SLC5A12: variants seen among roughly 807,000 people sequenced by gnomAD.
SLC5A12 encodes the protein sodium-coupled monocarboxylate transporter 2.
Under a neutral mutation model 72.7 loss-of-function variants are expected in SLC5A12, and 46 were observed. The observed-to-expected ratio is 0.63, with a 90% confidence interval of 0.50 to 0.81. SLC5A12 has a LOEUF of 0.81. Ranked by LOEUF, SLC5A12 falls within the 30% of genes least tolerant of loss-of-function variation. The pLI, the probability that SLC5A12 is intolerant of heterozygous loss-of-function variation, is 0.00. For missense variants in SLC5A12, 683 were observed against 740.7 expected, an observed-to-expected ratio of 0.92 and a Z score of 0.90; for synonymous variants, 275 against 264.4, an observed-to-expected ratio of 1.04 and a Z score of -0.39.
chr11:26,721,414 G>A lies in SLC5A12; in HGVS notation c.301C>T (p.Pro101Ser). The stretch of plus-strand genomic sequence containing the variant: ...GTGATACCAGATCTGTAGAACACAG[G>A]GAGAAAGAGCTCTGATGTTAAGAGG... Reference protein sequence around the residue: ...VILLTSELFLPVFYRSGITST... With the variant: ...VILLTSELFLSVFYRSGITST... The change falls in exon 1 of 15, where the codon CCT becomes TCT. Residue 101 changes from proline (P) to serine (S), a missense_variant. By Grantham distance (74) the Pro-to-Ser change is moderately conservative. Coordinates refer to ENST00000396005, the MANE Select transcript of SLC5A12 (RefSeq NM_178498.4). The A allele has an allele frequency of 1.2e-6, 2 of 1,614,026 alleles. No homozygotes were observed. The highest frequency in any genetic ancestry group is 8.5e-7 in the Non-Finnish European group (1 of 1,179,978).
At chr11:26,722,352 T>C (rs887578348), upstream of SLC5A12, among the ~76,000 whole-genome samples, 43 of 152,170 alleles carry the variant, frequency 2.8e-4, no homozygotes, top group African/African-American at 9.7e-4. Flanking sequence ...GAGAAAGCCA[T>C]GAAACATTTC....
Position 26,668,293 on chromosome 11 carries a change from T to C in SLC5A12, c.*2809A>G, listed in dbSNP as rs1239400302. On this transcript the variant is annotated 3_prime_UTR_variant, in exon 15 of 15. Transcript: ENST00000396005. ...TAATTCTGTTCCATTTTTACCAATA[T>C]CTGTGGTTGTGCTTTAAAGGTACAG... is the stretch of plus-strand genomic sequence containing the variant. The C allele has an allele frequency of 5.3e-5, 8 of 152,038 alleles. No homozygotes were observed. 9.4% of individuals were successfully genotyped at this position (152,038 alleles called of 1,614,324 possible). A position where few individuals can be genotyped will look rare whatever the true frequency, so the allele number is the denominator to read the frequency against.
intron 14 of SLC5A12, 45 bp downstream of exon 14, chr11:26,673,357 C>A (rs774342103): frequency 6.9e-7 from 1 of 1,451,084 alleles, no homozygotes. Context: ...ACCAGGAATC[C>A]CTTTGAGTCC....
At chr11:26,687,359 C>A (rs911668396) in intron 9 of SLC5A12, among the ~76,000 whole-genome samples, 5 of 152,102 alleles carry the variant, frequency 3.3e-5, no homozygotes, top group Admixed American at 2.6e-4. Flanking sequence ...GAGATGGAGA[C>A]ACAGTGTCAG....
At chr11:26,682,336 G>A (rs1465937417) in intron 11 of SLC5A12, among the ~76,000 whole-genome samples, 1 of 152,142 alleles carries the variant, frequency 6.6e-6, no homozygotes, top group Admixed American at 6.6e-5. Context: ...GATTTGGCTT[G>A]AGGCATATCG....
At chr11:26,720,294 G>A (rs1269888421) in intron 1 of SLC5A12, among the ~76,000 whole-genome samples, 10 of 148,176 alleles carry the variant, frequency 6.7e-5, no homozygotes, top group Non-Finnish European at 6.0e-5. Context: ...GTTTGAGAAC[G>A]GCCTGGGAAA....
chr11:26,671,320 C>G, intron 14 of SLC5A12, 69 bp from the exon 15 acceptor site: 1 of 1,376,338 alleles, frequency 7.3e-7, no homozygotes, highest in South Asian at 1.5e-5. Context: ...CTGAGAGAAT[C>G]TTGTTTAGGC....
At chr11:26,686,424 G>GGT in intron 10 of SLC5A12, 53 bp downstream of exon 10, 1 of 1,521,260 alleles carries the variant, frequency 6.6e-7, no homozygotes, top group Non-Finnish European at 9.1e-7. Context: ...CATTAAAAGA[G>GGT]AGTGGGGGGA....
chr11:26,698,593 G>C lies in SLC5A12; in HGVS notation c.822-58C>G, dbSNP rs555606368. On this transcript the variant is annotated intron_variant, in intron 6 of 14. Transcript: ENST00000396005. ...TGTATACCATATCATACTGTGGTGA[G>C]GTCATTACCAGGTACTCAAGGTAAA... is the stretch of plus-strand genomic sequence containing the variant. 20 of 1,545,088 alleles carry C rather than the reference G, an allele frequency of 1.3e-5. No homozygotes were observed. In the Middle Eastern group the frequency reaches 6.9e-4, roughly 54 times the overall value.
intron 1 of SLC5A12, among the ~76,000 whole-genome samples, chr11:26,720,658 T>C (rs1381266153): frequency 6.6e-6 from 1 of 152,178 alleles, no homozygotes; most frequent in East Asian, 1.9e-4. Context: ...TAGAAACTTA[T>C]GTTTGATCAC....
intron 4 of SLC5A12, among the ~76,000 whole-genome samples, chr11:26,704,416 T>C (rs1855036660): frequency 6.6e-6 from 1 of 152,110 alleles, no homozygotes; most frequent in African/African-American, 2.4e-5. Flanking sequence ...AAGATGTTGG[T>C]CAAAGGTGTG....
chr11:26,707,846 A>G (rs1054195827), intron 4 of SLC5A12, among the ~76,000 whole-genome samples: 6 of 151,988 alleles, frequency 3.9e-5, no homozygotes, highest in African/African-American at 1.4e-4. Flanking sequence ...GTGTGTAAAT[A>G]TCTTATAGTC....
At chr11:26,710,941 T>A (rs1333354367) in intron 3 of SLC5A12, among the ~76,000 whole-genome samples, 1 of 152,106 alleles carries the variant, frequency 6.6e-6, no homozygotes, top group East Asian at 1.9e-4. Flanking sequence ...ACTTTTATAC[T>A]GAGATTATCT....
rs779931163 is a variant in SLC5A12 at position 26,697,157 on chromosome 11, T to C, written c.1040+7A>G. ...CATCATCATCAGATTGTTGTTGCTA[T>C]ACTAACCTCAGAGTTCCACTGAAGG... On this transcript the variant is annotated splice_region_variant and intron_variant, in intron 8 of 14. Transcript: ENST00000396005. 6.8e-6 allele frequency: 11 copies of C among 1,609,730 alleles called. No individual in the cohort carries two copies. In the African/African-American group the frequency reaches 1.1e-4, roughly 16 times the overall value.
intron 4 of SLC5A12, 106 bp from the exon 5 acceptor site, chr11:26,704,053 C>G: frequency 4.1e-6 from 5 of 1,212,314 alleles, no homozygotes; most frequent in Non-Finnish European, 5.9e-6. Flanking sequence ...GTTTATTCAG[C>G]ATCAGCCACT....
At position 26,702,149 on chromosome 11, in the gene SLC5A12, ATT is replaced by A. The variant is rs577794595; in HGVS notation, c.821+1380_821+1381del. On this transcript the variant is annotated intron_variant, in intron 6 of 14. Transcript: ENST00000396005. ...AAATTTTCGGATCAAAGTCACATGC[ATT>A]TTCAATGACACAGCTATTGGATAAA... is the stretch of plus-strand genomic sequence containing the variant. Among the ~76,000 whole-genome samples the A allele has an allele frequency of 2.0e-5, 3 of 152,296 alleles. No individual in the cohort carries two copies. In the South Asian group the frequency reaches 6.2e-4, roughly 32 times the overall value.
At chr11:26,707,113 T>C (rs1045298177) in intron 4 of SLC5A12, among the ~76,000 whole-genome samples, 2 of 151,964 alleles carry the variant, frequency 1.3e-5, no homozygotes, top group African/African-American at 4.8e-5. Context: ...AACACAATTA[T>C]GACTGGGTCT....
Position 26,721,872 on chromosome 11 carries a change from C to T in SLC5A12, c.-158G>A. The T allele has an allele frequency of 3.0e-6, 2 of 674,346 alleles. No homozygotes were observed. Among genetic ancestry groups the T allele is most frequent in the Non-Finnish European group, 5.2e-6 (2 of 387,954 alleles). The allele number at this position is 674,346 out of a possible 1,614,324, so 41.8% of individuals were successfully genotyped here. On this transcript the variant is annotated 5_prime_UTR_variant, in exon 1 of 15. Coordinates refer to ENST00000396005, the MANE Select transcript of SLC5A12 (RefSeq NM_178498.4). ...AGAGGCACTCGTGTGAATCTTCAGA[C>T]ACCAACGTGTACTTAGTGAAGATCT... is the stretch of plus-strand genomic sequence containing the variant.
intron 8 of SLC5A12, among the ~76,000 whole-genome samples, chr11:26,696,887 C>A (rs4390305): frequency 0.92 from 140,232 of 152,104 alleles, 64,787 homozygotes; most frequent in Middle Eastern, 0.98. Context: ...ATTCTTGAGT[C>A]GGGACAGACC....
Sources: gnomAD v4.1 joint callset for allele counts (sites outside exome capture counted in the v4.1 genomes callset) on GRCh38, gnomAD v4.1.1 for gene constraint, MANE v1.5 for transcripts, NCBI Gene and HGNC (gene_info 2026-07-23, HGNC 2026-07-21) for gene names.